The following N4BP2 variants were observed in gnomAD, a reference collection of about 807,000 sequenced individuals.
N4BP2 encodes NEDD4-binding protein 2.
In N4BP2, 91 loss-of-function variants were observed where a neutral mutation model predicts 152.8. That is an observed-to-expected ratio of 0.60 (90% CI 0.50 to 0.71). The LOEUF (loss-of-function observed/expected upper bound fraction) is 0.71, where lower values mean the gene tolerates loss of function less well. N4BP2 is among the 30% of genes least tolerant of loss of function. N4BP2 has a pLI of 0.00. For missense variants in N4BP2, 1,923 were observed against 2,059.1 expected (o/e 0.93, Z 1.28); for synonymous variants, 646 against 705.3 (o/e 0.92, Z 1.33).
In N4BP2 at chr4:40,123,132, C is replaced by CTA. The variant is rs1560619081; in HGVS notation, c.4205_4206dup (p.Thr1403Ter). 1 of 1,603,052 alleles carries CTA rather than the reference C, an allele frequency of 6.2e-7. No homozygotes were observed. Among genetic ancestry groups the CTA allele is most frequent in the South Asian group, 1.1e-5 (1 of 89,652 alleles). The stretch of plus-strand genomic sequence containing the variant: ...CCTCCCCCTTCCCCCACAAGGGTCT[C>CTA]TAACAGTTGAAGATTGTGTGGTTCA... On this transcript the variant is annotated frameshift_variant, in exon 10 of 18. Transcript: ENST00000261435. LOFTEE classifies it high-confidence loss of function.
rs1305040496 is a variant in N4BP2 at position 40,102,838 on chromosome 4, T to C, written c.993T>C (p.His331=). 6.2e-7 allele frequency: 1 copy of C among 1,613,980 alleles called. No individual in the cohort carries two copies. The highest frequency in any genetic ancestry group is 1.3e-5 in the African/African-American group (1 of 74,868). ...SEGFNFKPHK[H]PELPTKGKDV... is the part of the protein sequence containing the mutation. ...GGTTCAACTTCAAGCCACACAAACA[T>C]CCTGAACTGCCAACTAAGGGGAAGG... Residue 331 remains histidine (H), a synonymous_variant, in exon 4 of 18, where the codon CAT becomes CAC. Transcript: ENST00000261435.
rs1307875931 is a variant in N4BP2, at chr4:40,102,526, T to G, written c.681T>G (p.Phe227Leu). ...SHSVLNESKCFIKDNTLALES... is the reference protein window; with the variant it reads ...SHSVLNESKCLIKDNTLALES... ...CAGTTTTGAACGAGTCCAAGTGTTT[T>G]ATAAAGGATAACACATTGGCTTTGG... Residue 227 changes from phenylalanine (F) to leucine (L), a missense_variant, in exon 4 of 18, where the codon TTT becomes TTG. Physicochemically the swap from Phe to Leu is conservative, Grantham distance 22. Coordinates refer to ENST00000261435, the MANE Select transcript of N4BP2 (RefSeq NM_018177.6). 1.9e-6 allele frequency: 3 copies of G among 1,614,108 alleles called. No homozygotes were observed. The African/African-American group carries it at 4.0e-5, about 22-fold the overall frequency.
chr4:40,127,365 G>T (rs562028299), intron 12 of N4BP2, among the ~76,000 whole-genome samples: 140 of 151,710 alleles, frequency 9.2e-4, no homozygotes, highest in Non-Finnish European at 1.7e-3. Flanking sequence ...CCACAGGCAT[G>T]TGCCACCATG....
intron 1 of N4BP2, among the ~76,000 whole-genome samples, chr4:40,066,231 T>G (rs1734033179): frequency 6.8e-6 from 1 of 147,068 alleles, no homozygotes; most frequent in African/African-American, 2.5e-5. Flanking sequence ...GCCCGGCCCA[T>G]TTTTTTCAGG....
rs759477379 is a variant in N4BP2 at position 40,103,144 on chromosome 4, G to T, written c.1299G>T (p.Lys433Asn). The change falls in exon 4 of 18, where the codon AAG becomes AAT. Residue 433 changes from lysine (K) to asparagine (N), a missense_variant. Coordinates refer to ENST00000261435, the MANE Select transcript of N4BP2 (RefSeq NM_018177.6). ...CCCCAGTTTCTCAGGTTGTAAGAAAGAAGACATCTTACGTTGGACTAGTTC... is the reference window on the plus strand; with the variant it reads ...CCCCAGTTTCTCAGGTTGTAAGAAATAAGACATCTTACGTTGGACTAGTTC... ...QETPVSQVVRKKTSYVGLVLV... is the reference protein window; with the variant it reads ...QETPVSQVVRNKTSYVGLVLV... 4 of 1,614,152 alleles carry T rather than the reference G, an allele frequency of 2.5e-6. No individual in the cohort carries two copies. The highest frequency in any genetic ancestry group is 2.2e-5 in the East Asian group (1 of 44,892).
chr4:40,168,329 A>C, the N4BP2 span, among the ~76,000 whole-genome samples: 1 of 152,190 alleles, frequency 6.6e-6, no homozygotes, highest in Non-Finnish European at 1.5e-5. Context: ...TGTTGTTTAC[A>C]AGAAACACAC....
chr4:40,148,281 TC>T (rs1299297236), intron 16 of N4BP2, among the ~76,000 whole-genome samples: 1 of 152,158 alleles, frequency 6.6e-6, no homozygotes, highest in Non-Finnish European at 1.5e-5. Flanking sequence ...AAACCCTGTC[TC>T]CACCAAAAAA....
intron 12 of N4BP2, among the ~76,000 whole-genome samples, chr4:40,127,513 C>A (rs1426498314): frequency 2.6e-5 from 4 of 152,096 alleles, no homozygotes; most frequent in African/African-American, 7.2e-5. Context: ...CCATGCCCAG[C>A]CAGCTGCATC....
At chr4:40,180,462 T>C in the N4BP2 span, among the ~76,000 whole-genome samples, 1 of 152,188 alleles carries the variant, frequency 6.6e-6, no homozygotes, top group Admixed American at 6.5e-5. Flanking sequence ...ACATCACTGG[T>C]GGACTTCCCT....
intron 7 of N4BP2, among the ~76,000 whole-genome samples, chr4:40,114,054 C>G (rs1198586100): frequency 6.6e-6 from 1 of 152,158 alleles, no homozygotes; most frequent in African/African-American, 2.4e-5. Flanking sequence ...GAAAAGGTAG[C>G]AAATATCCAG....
chr4:40,150,401 T>G (rs1173489114), intron 16 of N4BP2, among the ~76,000 whole-genome samples: 1 of 152,206 alleles, frequency 6.6e-6, no homozygotes, highest in Non-Finnish European at 1.5e-5. Flanking sequence ...GTGTGATGGC[T>G]CATGCCTGTA....
rs1265552894 is a variant in N4BP2, at chr4:40,094,897, G to A, written c.-114-2330G>A. 2.0e-5 allele frequency among the ~76,000 whole-genome samples: 3 copies of A among 150,684 alleles called. No individual in the cohort carries two copies. The East Asian group carries it at 5.9e-4, about 29-fold the overall frequency. On this transcript the variant is annotated intron_variant, in intron 2 of 17. Coordinates refer to ENST00000261435, the MANE Select transcript of N4BP2 (RefSeq NM_018177.6). ...GCACCTCTGTCTCCTGGGTTCAAGC[G>A]ATTCTCCTGCCTTAGCCTCTCGAGT...
intron 2 of N4BP2, among the ~76,000 whole-genome samples, chr4:40,096,188 G>A (rs972563250): frequency 6.6e-6 from 1 of 152,108 alleles, no homozygotes; most frequent in African/African-American, 2.4e-5. Flanking sequence ...TTGGAATATG[G>A]GTGGTAAATA....
chr4:40,124,825 G>A (rs1718248666), intron 11 of N4BP2, among the ~76,000 whole-genome samples: 1 of 152,156 alleles, frequency 6.6e-6, no homozygotes, highest in Non-Finnish European at 1.5e-5. Context: ...TGGTTTGAGA[G>A]CAACAGAGTG....
At chr4:40,082,722 A>G (rs1713513243) in intron 2 of N4BP2, among the ~76,000 whole-genome samples, 1 of 150,260 alleles carries the variant, frequency 6.7e-6, no homozygotes, top group South Asian at 2.1e-4. Flanking sequence ...TTTTTTTGAG[A>G]CAGAGTCTTG....
chr4:40,116,920 G>T (rs1479478130), intron 7 of N4BP2, among the ~76,000 whole-genome samples: 8 of 149,796 alleles, frequency 5.3e-5, no homozygotes, highest in Admixed American at 4.8e-4. Flanking sequence ...TATTATTGTT[G>T]TTAAGTCAGC....
chr4:40,075,397 T>G lies in N4BP2; in HGVS notation c.-115+1846T>G, dbSNP rs191763231. On this transcript the variant is annotated intron_variant, in intron 2 of 17. Coordinates refer to ENST00000261435, the MANE Select transcript of N4BP2 (RefSeq NM_018177.6). ...CTATCCAGTTTTTACACAGCTTTTC[T>G]TTTATTTATTTATTTTTTTGAGATG... 2.9e-3 allele frequency among the ~76,000 whole-genome samples: 445 copies of G among 152,260 alleles called. 5 individuals carry two copies. Among genetic ancestry groups the G allele is most frequent in the Non-Finnish European group, 4.8e-3 (326 of 68,016 alleles).
rs1034614926 is a variant in N4BP2 at position 40,098,846 on chromosome 4, C to T, written c.229+1277C>T. 3.3e-5 allele frequency among the ~76,000 whole-genome samples: 5 copies of T among 152,042 alleles called. No homozygotes were observed. The South Asian group carries it at 1.0e-3, about 32-fold the overall frequency. On this transcript the variant is annotated intron_variant, in intron 3 of 17. Coordinates refer to ENST00000261435, the MANE Select transcript of N4BP2 (RefSeq NM_018177.6). ...TTGTTTTCCAGAATCTTCTATAGAC[C>T]TTGTTCATAAGCATTTGAGATTTGA...
chr4:40,167,943 T>C, the N4BP2 span: 2 of 152,176 alleles, frequency 1.3e-5, no homozygotes, highest in African/African-American at 4.8e-5. Context: ...CTAAAAGTTT[T>C]ATCTTATTGG....
Sources: gnomAD v4.1 joint callset for allele counts (sites outside exome capture counted in the v4.1 genomes callset) on GRCh38, gnomAD v4.1.1 for gene constraint, MANE v1.5 for transcripts, NCBI Gene and HGNC (gene_info 2026-07-23, HGNC 2026-07-21) for gene names.